FBXO8: variants seen among roughly 807,000 people sequenced by gnomAD.
FBXO8 encodes F-box protein 8, also known as F-box only protein 8.
A neutral mutation model predicts 33.4 loss-of-function variants in FBXO8; 15 were observed. That is an observed-to-expected ratio of 0.45 (90% confidence interval 0.30 to 0.69). FBXO8 has a LOEUF of 0.69. Among genes scored for constraint, FBXO8 ranks in the 30% least tolerant of loss-of-function variants. The pLI is 0.08. For synonymous variants in FBXO8, 132 were observed against 131.5 expected, an observed-to-expected ratio of 1.00 and a Z score of -0.02; for missense variants, 274 against 380.3, an observed-to-expected ratio of 0.72 and a Z score of 2.32.
chr4:174,249,674 T>C (rs1211723764), intron 3 of FBXO8, among the ~76,000 whole-genome samples: 2 of 151,990 alleles, frequency 1.3e-5, no homozygotes, highest in Admixed American at 1.3e-4. Flanking sequence ...TGTATATACT[T>C]AATCATGTAA....
At position 174,245,169 on chromosome 4, in the gene FBXO8, C is replaced by T. The variant is rs181140821; in HGVS notation, c.457-3951G>A. Among the ~76,000 whole-genome samples, 538 of 151,770 alleles carry T rather than the reference C, an allele frequency of 3.5e-3. 11 individuals are homozygous for T. Among genetic ancestry groups the T allele is most frequent in the Admixed American group, 0.033 (497 of 15,186 alleles). The stretch of plus-strand genomic sequence containing the variant: ...AAGAAAATTTAAAGTTTATCTGTGG[C>T]AATGAGACACATACATAAACATCTA... On this transcript the variant is annotated intron_variant, in intron 3 of 5. Coordinates refer to ENST00000393674, the MANE Select transcript of FBXO8 (RefSeq NM_012180.3). This position sits in a 1 kb window ranked among gnomAD's most constrained non-coding sequence, Gnocchi z 4.6.
At position 174,241,614 on chromosome 4, in the gene FBXO8, T is replaced by C. The variant is rs563789488; in HGVS notation, c.457-396A>G. Among the ~76,000 whole-genome samples, 19 of 151,556 alleles carry C rather than the reference T, an allele frequency of 1.3e-4. No homozygotes were observed. The highest frequency in any genetic ancestry group is 4.6e-4 in the African/African-American group (19 of 41,490). On this transcript the variant is annotated intron_variant, in intron 3 of 5. Coordinates refer to ENST00000393674, the MANE Select transcript of FBXO8 (RefSeq NM_012180.3). The surrounding 1 kb of genome is among the most constrained non-coding windows in gnomAD (Gnocchi z 4.2). ...AACATGATTTCTTAAAGCTCACATA[T>C]ATATTGCAGTATGCCTTTCAAGGAA...
rs1736669387 is a variant in FBXO8, at chr4:174,265,311, ATTTAGGTATTTACCTAATT to A, written c.-8-2230_-8-2212del. On this transcript the variant is annotated intron_variant, in intron 1 of 5. Coordinates refer to ENST00000393674, the MANE Select transcript of FBXO8 (RefSeq NM_012180.3). The surrounding 1 kb of genome is among the most constrained non-coding windows in gnomAD (Gnocchi z 4.7). ...GTATTTACCTAATTAAAAGCTTTTT[ATTTAGGTATTTACCTAATT>A]AAAAGCTTTTTATTTAGGTATTTAC... is the stretch of plus-strand genomic sequence containing the variant. Among the ~76,000 whole-genome samples the A allele has an allele frequency of 1.8e-5, 1 of 55,306 alleles. No individual in the cohort carries two copies. Among genetic ancestry groups the A allele is most frequent in the Non-Finnish European group, 4.6e-5 (1 of 21,674 alleles). The allele number at this position is 55,306 out of a possible 152,430, so 36.3% of individuals were successfully genotyped here. A position where few individuals can be genotyped will look rare whatever the true frequency, so the allele number is the denominator to read the frequency against.
rs1736140885 is a variant in FBXO8, at chr4:174,245,619, C to T, written c.457-4401G>A. Among the ~76,000 whole-genome samples, 1 of 151,744 alleles carries T rather than the reference C, an allele frequency of 6.6e-6. No homozygotes were observed. Among genetic ancestry groups the T allele is most frequent in the African/African-American group, 2.4e-5 (1 of 41,342 alleles). On this transcript the variant is annotated intron_variant, in intron 3 of 5. Transcript: ENST00000393674. This position sits in a 1 kb window ranked among gnomAD's most constrained non-coding sequence, Gnocchi z 4.6. Reference sequence around the variant, plus strand: ...AAATCTAACTGGAAGCCTCTGAAGGCTTTTAAACCTGATGAAGCAATGGGC... The same window carrying T: ...AAATCTAACTGGAAGCCTCTGAAGGTTTTTAAACCTGATGAAGCAATGGGC...
rs1435327357 is a variant in FBXO8 at position 174,267,726 on chromosome 4, T to C, written c.-8-4626A>G. Among the ~76,000 whole-genome samples the C allele has an allele frequency of 6.6e-6, 1 of 151,012 alleles. No individual in the cohort carries two copies. The highest frequency in any genetic ancestry group is 1.9e-4 in the East Asian group (1 of 5,196). On this transcript the variant is annotated intron_variant, in intron 1 of 5. Transcript: ENST00000393674. The surrounding 1 kb of genome is among the most constrained non-coding windows in gnomAD (Gnocchi z 4.7). ...AAAGTATAAAGTTTTCAGATTTGTG[T>C]TAAAAGTTTTAATAATATCTTGGTA...
At chr4:174,282,544 T>C (rs1259585798) in intron 1 of FBXO8, among the ~76,000 whole-genome samples, 5 of 152,192 alleles carry the variant, frequency 3.3e-5, no homozygotes, top group Admixed American at 2.6e-4. Context: ...CCTACTCTGT[T>C]TCACATATCA....
At position 174,263,024 on chromosome 4, in the gene FBXO8, G is replaced by T; in HGVS notation, c.69C>A (p.Gly23=). 6.2e-7 allele frequency: 1 copy of T among 1,613,968 alleles called. No individual in the cohort carries two copies. Among genetic ancestry groups the T allele is most frequent in the African/African-American group, 1.3e-5 (1 of 74,994 alleles). Residue 23 remains glycine, a synonymous_variant, in exon 2 of 6, where the codon GGC becomes GGA. Transcript: ENST00000393674. This position sits in a 1 kb window ranked among gnomAD's most constrained non-coding sequence, Gnocchi z 4.2. ...QLQQEGYSEQ[G]YLTREQSRRM... is the part of the protein sequence containing the mutation. ...TCCTGCTCTGCTCTCTGGTGAGGTA[G>T]CCTTGCTCACTGTAGCCTTCTTGTT...
At position 174,251,786 on chromosome 4, in the gene FBXO8, C is replaced by T. The variant is rs1579023549; in HGVS notation, c.456+7913G>A. Among the ~76,000 whole-genome samples, 1 of 152,094 alleles carries T rather than the reference C, an allele frequency of 6.6e-6. No individual in the cohort carries two copies. The highest frequency in any genetic ancestry group is 6.6e-5 in the Admixed American group (1 of 15,260). On this transcript the variant is annotated intron_variant, in intron 3 of 5. Transcript: ENST00000393674. This position sits in a 1 kb window ranked among gnomAD's most constrained non-coding sequence, Gnocchi z 4.2. ...TTTTCACTTTGACTCTAATGCTGATCAAGGAGAAGGAGCCTGCCATAAACT... is the reference window on the plus strand; with the variant it reads ...TTTTCACTTTGACTCTAATGCTGATTAAGGAGAAGGAGCCTGCCATAAACT...
intron 3 of FBXO8, among the ~76,000 whole-genome samples, chr4:174,248,549 C>T (rs1736212777): frequency 6.6e-6 from 1 of 152,046 alleles, no homozygotes. Flanking sequence ...AGAGCAAGAA[C>T]AGAGAGCACA....
rs894121206 is a variant in FBXO8 at position 174,262,445 on chromosome 4, T to G, written c.329+319A>C. On this transcript the variant is annotated intron_variant, in intron 2 of 5. Coordinates refer to ENST00000393674, the MANE Select transcript of FBXO8 (RefSeq NM_012180.3). This position sits in a 1 kb window ranked among gnomAD's most constrained non-coding sequence, Gnocchi z 4.6. ...CATGTGAACACTCCAACTTTTAAATTAGAAATTCTCACTCCACAACTTTGC... is the reference window on the plus strand; with the variant it reads ...CATGTGAACACTCCAACTTTTAAATGAGAAATTCTCACTCCACAACTTTGC... 2.0e-5 allele frequency among the ~76,000 whole-genome samples: 3 copies of G among 152,202 alleles called. No homozygotes were observed. Among genetic ancestry groups the G allele is most frequent in the South Asian group, 2.1e-4 (1 of 4,836 alleles).
chr4:174,244,110 A>G (rs562582063), intron 3 of FBXO8, among the ~76,000 whole-genome samples: 1 of 151,802 alleles, frequency 6.6e-6, no homozygotes, highest in African/African-American at 2.4e-5. Context: ...GGAAAAAGGA[A>G]AAGATGTGTG....
chr4:174,275,423 T>C lies in FBXO8; in HGVS notation c.-9+7987A>G, dbSNP rs1736938133. Among the ~76,000 whole-genome samples, 1 of 152,162 alleles carries C rather than the reference T, an allele frequency of 6.6e-6. No individual in the cohort carries two copies. Among genetic ancestry groups the C allele is most frequent in the South Asian group, 2.1e-4 (1 of 4,826 alleles). On this transcript the variant is annotated intron_variant, in intron 1 of 5. Transcript: ENST00000393674. The surrounding 1 kb of genome is among the most constrained non-coding windows in gnomAD (Gnocchi z 4.4). ...TCAAAATCCTGGTTTTGATAGTATA[T>C]TATAGTTACAAAACTATTACCAATC... is the stretch of plus-strand genomic sequence containing the variant.
intron 1 of FBXO8, among the ~76,000 whole-genome samples, chr4:174,280,794 C>T (rs955829013): frequency 3.3e-5 from 5 of 152,086 alleles, no homozygotes; most frequent in African/African-American, 1.2e-4. Context: ...TTACCACTTT[C>T]CAGTAATATG....
rs187770967 is a variant in FBXO8 at position 174,256,965 on chromosome 4, T to G, written c.456+2734A>C. On this transcript the variant is annotated intron_variant, in intron 3 of 5. Coordinates refer to ENST00000393674, the MANE Select transcript of FBXO8 (RefSeq NM_012180.3). The surrounding 1 kb of genome is among the most constrained non-coding windows in gnomAD (Gnocchi z 4.6). ...CTCTCAATAACAATGGAAGGTAGGATAGATAAGTAAAATCTGAAGATCTAA... is the reference window on the plus strand; with the variant it reads ...CTCTCAATAACAATGGAAGGTAGGAGAGATAAGTAAAATCTGAAGATCTAA... Among the ~76,000 whole-genome samples the G allele has an allele frequency of 2.6e-5, 4 of 152,214 alleles. No individual in the cohort carries two copies. In the East Asian group the frequency reaches 7.7e-4, roughly 29 times the overall value.
rs1273436336 is a variant in FBXO8 at position 174,251,247 on chromosome 4, C to A, written c.456+8452G>T. Among the ~76,000 whole-genome samples, 1 of 152,096 alleles carries A rather than the reference C, an allele frequency of 6.6e-6. No individual in the cohort carries two copies. The highest frequency in any genetic ancestry group is 6.6e-5 in the Admixed American group (1 of 15,248). On this transcript the variant is annotated intron_variant, in intron 3 of 5. Transcript: ENST00000393674. This position sits in a 1 kb window ranked among gnomAD's most constrained non-coding sequence, Gnocchi z 4.2. Reference sequence around the variant, plus strand: ...GCAAATTAGTAGTTCCCATAGCACACTGAATAAAACAAGAGCAAAATACAT... The same window carrying A: ...GCAAATTAGTAGTTCCCATAGCACAATGAATAAAACAAGAGCAAAATACAT...
Position 174,275,491 on chromosome 4 carries a change from T to C in FBXO8, c.-9+7919A>G, listed in dbSNP as rs941211312. Among the ~76,000 whole-genome samples the C allele has an allele frequency of 6.6e-5, 10 of 152,120 alleles. No individual in the cohort carries two copies. The highest frequency in any genetic ancestry group is 1.3e-4 in the Non-Finnish European group (9 of 68,032). On this transcript the variant is annotated intron_variant, in intron 1 of 5. Coordinates refer to ENST00000393674, the MANE Select transcript of FBXO8 (RefSeq NM_012180.3). This position sits in a 1 kb window ranked among gnomAD's most constrained non-coding sequence, Gnocchi z 4.4. ...TGTACAAGGGATGACTCTATATTTCTTGAGACTGCATGTACATCTACAATT... is the reference window on the plus strand; with the variant it reads ...TGTACAAGGGATGACTCTATATTTCCTGAGACTGCATGTACATCTACAATT...
Position 174,238,013 on chromosome 4 carries a change from TA to T in FBXO8, c.773-415del, listed in dbSNP as rs926311719. On this transcript the variant is annotated intron_variant, in intron 5 of 5. Transcript: ENST00000393674. ...TACATTTGTATTTATCTCCTCTTTC[TA>T]AAAAAAAATTTATATAGAATGCTTT... Among the ~76,000 whole-genome samples the T allele has an allele frequency of 2.3e-4, 35 of 151,474 alleles. 1 individual carries two copies. Among genetic ancestry groups the T allele is most frequent in the Admixed American group, 2.2e-3 (34 of 15,198 alleles).
chr4:174,280,008 TA>T (rs199672746), intron 1 of FBXO8, among the ~76,000 whole-genome samples: 2 of 150,504 alleles, frequency 1.3e-5, no homozygotes, highest in Admixed American at 6.6e-5. Flanking sequence ...TTATGAAAAT[TA>T]AAAAAAAATT....
Position 174,272,345 on chromosome 4 carries a change from C to T in FBXO8, c.-8-9245G>A, listed in dbSNP as rs1651471999. On this transcript the variant is annotated intron_variant, in intron 1 of 5. Coordinates refer to ENST00000393674, the MANE Select transcript of FBXO8 (RefSeq NM_012180.3). This position sits in a 1 kb window ranked among gnomAD's most constrained non-coding sequence, Gnocchi z 4.7. ...TATACTTTAAATCATCTCTAGATTACTTATAACATCCAATAAGATGTAAAT... is the reference window on the plus strand; with the variant it reads ...TATACTTTAAATCATCTCTAGATTATTTATAACATCCAATAAGATGTAAAT... 6.6e-6 allele frequency among the ~76,000 whole-genome samples: 1 copy of T among 152,200 alleles called. No homozygotes were observed. The highest frequency in any genetic ancestry group is 2.4e-5 in the African/African-American group (1 of 41,444).
Sources: gnomAD v4.1 joint callset for allele counts (sites outside exome capture counted in the v4.1 genomes callset) on GRCh38, gnomAD v4.1.1 for gene constraint, Gnocchi (gnomAD v3.1) non-coding constraint, MANE v1.5 for transcripts, NCBI Gene and HGNC (gene_info 2026-07-23, HGNC 2026-07-21) for gene names.